The following CTNNBL1 variants were observed in gnomAD, a reference collection of about 807,000 sequenced individuals.
The protein encoded by CTNNBL1 is catenin beta like 1.
CTNNBL1 carries 31 observed loss-of-function variants against 72.7 expected under a neutral mutation model. That is an observed-to-expected ratio of 0.43 (90% CI 0.32 to 0.58). The LOEUF is 0.58. Ranked by LOEUF, CTNNBL1 falls within the 20% of genes least tolerant of loss-of-function variation. The pLI, the probability that CTNNBL1 is intolerant of heterozygous loss-of-function variation, is 0.08. For synonymous variants in CTNNBL1, 240 were observed against 267.3 expected (o/e 0.90, Z 1.00); for missense variants, 534 against 725.1 (o/e 0.74, Z 3.03).
intron 1 of CTNNBL1, among the ~76,000 whole-genome samples, chr20:37,713,152 C>T (rs2072953374): frequency 6.6e-6 from 1 of 152,086 alleles, no homozygotes; most frequent in Admixed American, 6.5e-5. Context: ...TTTTCCATTC[C>T]CACAAAACTT....
At chr20:37,732,383 A>G (rs2073136932) in intron 1 of CTNNBL1, among the ~76,000 whole-genome samples, 2 of 152,246 alleles carry the variant, frequency 1.3e-5, no homozygotes, top group South Asian at 2.1e-4. Context: ...GTAGATGTGA[A>G]TTAAAACCAG....
At chr20:37,831,506 C>G (rs1189454599) in intron 11 of CTNNBL1, among the ~76,000 whole-genome samples, 4 of 152,078 alleles carry the variant, frequency 2.6e-5, no homozygotes, top group Non-Finnish European at 5.9e-5. Context: ...GCTGGGACTA[C>G]AGGTGCCCGC....
intron 5 of CTNNBL1, 31 bp from the exon 6 acceptor site, chr20:37,765,166 C>G (rs1488429142): frequency 6.9e-7 from 1 of 1,456,982 alleles, no homozygotes; most frequent in Non-Finnish European, 9.4e-7. Flanking sequence ...TTATGACATC[C>G]CTCTCTCCTT....
chr20:37,783,719 A>T (rs1041534565), intron 10 of CTNNBL1, among the ~76,000 whole-genome samples: 1 of 152,204 alleles, frequency 6.6e-6, no homozygotes, highest in Admixed American at 6.5e-5. Flanking sequence ...ATCAGAGAAG[A>T]TACTTGACAG....
In CTNNBL1 at chr20:37,798,419, G is replaced by A. The variant is rs866831116; in HGVS notation, c.1032-4448G>A. Among the ~76,000 whole-genome samples the A allele has an allele frequency of 7.9e-5, 12 of 152,262 alleles. 1 individual carries two copies. The highest frequency in any genetic ancestry group is 6.8e-3 in the Middle Eastern group (2 of 294). ...GGCTAGCATTCACATTGGTTCTGGCGTGATCGACAGCCTGATGAACCCAGA... is the reference window on the plus strand; with the variant it reads ...GGCTAGCATTCACATTGGTTCTGGCATGATCGACAGCCTGATGAACCCAGA... On this transcript the variant is annotated intron_variant, in intron 10 of 15. Transcript: ENST00000361383.
intron 1 of CTNNBL1, among the ~76,000 whole-genome samples, chr20:37,706,882 C>T (rs111372006): frequency 0.098 from 14,940 of 152,218 alleles, 1,046 homozygotes; most frequent in African/African-American, 0.19. Flanking sequence ...ACTCTTTGAT[C>T]CATGGGCTGC....
intron 5 of CTNNBL1, among the ~76,000 whole-genome samples, chr20:37,758,182 G>C (rs1378619361): frequency 6.6e-6 from 1 of 152,208 alleles, no homozygotes; most frequent in African/African-American, 2.4e-5. Flanking sequence ...TTTACAGATA[G>C]GTCATCAGAG....
At chr20:37,746,435 T>C (rs2073263105) in intron 3 of CTNNBL1, 33 bp from the exon 4 acceptor site, 1 of 1,602,260 alleles carries the variant, frequency 6.2e-7, no homozygotes, top group African/African-American at 1.3e-5. Flanking sequence ...TAGTGCCCCT[T>C]TCCTTCTAAT....
intron 1 of CTNNBL1, among the ~76,000 whole-genome samples, chr20:37,731,624 A>C (rs900697043): frequency 1.3e-5 from 2 of 152,042 alleles, no homozygotes; most frequent in Non-Finnish European, 2.9e-5. Context: ...CTCTACTTCT[A>C]TGAGTTCAGC....
chr20:37,786,159 G>A (rs181900861), intron 10 of CTNNBL1, among the ~76,000 whole-genome samples: 1 of 152,308 alleles, frequency 6.6e-6, no homozygotes, highest in Non-Finnish European at 1.5e-5. Context: ...GGAGGGGTGA[G>A]ACAAGCAAGC....
At chr20:37,817,179 C>T (rs118052153) in intron 11 of CTNNBL1, among the ~76,000 whole-genome samples, 3 of 152,256 alleles carry the variant, frequency 2.0e-5, no homozygotes, top group Non-Finnish European at 1.5e-5. Context: ...TTCTTGATCC[C>T]GGACTTCAGT....
chr20:37,765,163 A>G (rs1243119510), intron 5 of CTNNBL1, 34 bp from the exon 6 acceptor site: 4 of 1,443,854 alleles, frequency 2.8e-6, no homozygotes, highest in Non-Finnish European at 3.8e-6. Context: ...ATTTTATGAC[A>G]TCCCTCTCTC....
At chr20:37,847,600 C>T (rs967600228) in intron 13 of CTNNBL1, among the ~76,000 whole-genome samples, 15 of 152,130 alleles carry the variant, frequency 9.9e-5, no homozygotes, top group African/African-American at 2.4e-4. Flanking sequence ...GATTCTTTCC[C>T]GTTTCCATTG....
intron 5 of CTNNBL1, 135 bp from the exon 6 acceptor site, chr20:37,765,062 C>A (rs1367896547): frequency 3.0e-6 from 2 of 667,536 alleles, no homozygotes; most frequent in Non-Finnish European, 5.5e-6. Context: ...TGGGAGAGCA[C>A]CTTGTAAACC....
intron 7 of CTNNBL1, among the ~76,000 whole-genome samples, chr20:37,770,181 C>T (rs1475475276): frequency 2.0e-5 from 3 of 152,248 alleles, no homozygotes; most frequent in African/African-American, 7.2e-5. Flanking sequence ...TTGACCTCCT[C>T]TCTTGAGTCT....
intron 15 of CTNNBL1, among the ~76,000 whole-genome samples, chr20:37,867,966 T>C (rs2072550392): frequency 6.6e-6 from 1 of 152,174 alleles, no homozygotes; most frequent in African/African-American, 2.4e-5. Context: ...GGCCGGGTCG[T>C]CGGACCTGGT....
At chr20:37,807,090 T>G (rs1397312117) in intron 11 of CTNNBL1, among the ~76,000 whole-genome samples, 1 of 152,178 alleles carries the variant, frequency 6.6e-6, no homozygotes, top group East Asian at 1.9e-4. Context: ...TTCCCCTGAC[T>G]CCCAAAGTCG....
chr20:37,723,848 G>A (rs1283564679), intron 1 of CTNNBL1, among the ~76,000 whole-genome samples: 1 of 152,100 alleles, frequency 6.6e-6, no homozygotes, highest in Non-Finnish European at 1.5e-5. Flanking sequence ...TTCATTTGTG[G>A]TGCCTTAAGC....
At chr20:37,846,156 G>T (rs1232748477) in intron 13 of CTNNBL1, among the ~76,000 whole-genome samples, 1 of 151,712 alleles carries the variant, frequency 6.6e-6, no homozygotes, top group Non-Finnish European at 1.5e-5. Flanking sequence ...GGAGTGGGGA[G>T]AGGTCATCTA....
Sources: gnomAD v4.1 joint callset for allele counts (sites outside exome capture counted in the v4.1 genomes callset) on GRCh38, gnomAD v4.1.1 for gene constraint, MANE v1.5 for transcripts, NCBI Gene and HGNC (gene_info 2026-07-23, HGNC 2026-07-21) for gene names.